Variants in AMPD2 observed in about 807,000 individuals in gnomAD.
AMPD2 encodes adenosine monophosphate deaminase 2.
AMPD2 carries 52 observed loss-of-function variants against 91.3 expected under a neutral mutation model. The observed-to-expected ratio is 0.57, with a 90% confidence interval of 0.46 to 0.72. The LOEUF is 0.72. Among genes scored for constraint, AMPD2 ranks in the 30% least tolerant of loss-of-function variants. AMPD2 has a pLI of 0.00. For synonymous variants in AMPD2, 455 were observed against 456.4 expected, an observed-to-expected ratio of 1.00 and a Z score of 0.04; for missense variants, 822 against 1,122.3, an observed-to-expected ratio of 0.73 and a Z score of 3.82.
In AMPD2 at chr1:109,628,384, C is replaced by T; in HGVS notation, c.1296C>T (p.Arg432=). 6.2e-7 allele frequency: 1 copy of T among 1,614,110 alleles called. No individual in the cohort carries two copies. The highest frequency in any genetic ancestry group is 1.6e-4 in the Middle Eastern group (1 of 6,062). The part of the protein sequence containing the change: ...DVHADRNTFH[R]FDKFNAKYNP... ...CCCAGGACAGGAACACTTTCCATCG[C>T]TTTGACAAGTTTAATGCCAAATACA... Residue 432 remains arginine, a synonymous_variant, in exon 12 of 19, where the codon CGC becomes CGT. Transcript: ENST00000528667. The surrounding 1 kb of genome is among the most constrained non-coding windows in gnomAD (Gnocchi z 7.1).
At chr1:109,627,041 A>C in intron 7 of AMPD2, 129 bp downstream of exon 7, 1 of 1,543,844 alleles carries the variant, frequency 6.5e-7, no homozygotes, top group Admixed American at 1.8e-5. Context: ...CTTGGGGTAC[A>C]GGGGTGGAGG....
At chr1:109,629,036 A>G in intron 13 of AMPD2, 73 bp from the exon 14 acceptor site, 1 of 1,584,250 alleles carries the variant, frequency 6.3e-7, no homozygotes, top group East Asian at 2.2e-5. Context: ...CCAAGCTCTG[A>G]CCCTTGCTGG....
chr1:109,629,644 C>A (rs1389956810), intron 15 of AMPD2, 152 bp from the exon 16 acceptor site: 22 of 1,433,356 alleles, frequency 1.5e-5, no homozygotes, highest in Non-Finnish European at 2.0e-5. Context: ...ATCTGTCACC[C>A]CTCACAGCCA....
intron 2 of AMPD2, chr1:109,621,512 T>A: frequency 1.6e-6 from 1 of 617,884 alleles, no homozygotes. Flanking sequence ...GGGCATGGTG[T>A]GGGTGCAGCA....
intron 2 of AMPD2, among the ~76,000 whole-genome samples, chr1:109,623,478 G>T (rs1478600390): frequency 6.6e-6 from 1 of 152,164 alleles, no homozygotes; most frequent in Non-Finnish European, 1.5e-5. Flanking sequence ...CAGCGGGGAA[G>T]CCTCAGTGAC....
chr1:109,625,290 A>G lies in AMPD2; in HGVS notation c.92-13A>G. The G allele has an allele frequency of 6.2e-7, 1 of 1,611,880 alleles. No individual in the cohort carries two copies. The highest frequency in any genetic ancestry group is 8.5e-7 in the Non-Finnish European group (1 of 1,178,962). ...CCCTCCACCCTTTGACCCTGGCATC[A>G]CTGTCTCTGCAGAGGCTCGGGGTGG... On this transcript the variant is annotated splice_polypyrimidine_tract_variant and intron_variant, in intron 2 of 18. Coordinates refer to ENST00000528667, the MANE Select transcript of AMPD2 (RefSeq NM_001368809.2). This position sits in a 1 kb window ranked among gnomAD's most constrained non-coding sequence, Gnocchi z 4.0.
At position 109,629,155 on chromosome 1, in the gene AMPD2, C is replaced by T; in HGVS notation, c.1618C>T (p.Leu540=). 6.2e-7 allele frequency: 1 copy of T among 1,614,082 alleles called. No individual in the cohort carries two copies. The highest frequency in any genetic ancestry group is 8.5e-7 in the Non-Finnish European group (1 of 1,180,014). Residue 540 remains leucine, a synonymous_variant, in exon 14 of 19, where the codon CTG becomes TTG. Coordinates refer to ENST00000528667, the MANE Select transcript of AMPD2 (RefSeq NM_001368809.2). The stretch of plus-strand genomic sequence containing the variant: ...CCAGCTGGCCAACTTCCAGGAGATG[C>T]TGGAGAACATCTTCCTGCCACTGTT... The part of the protein sequence containing the change: ...KGQLANFQEM[L]ENIFLPLFEA...
chr1:109,631,588 A>G lies in AMPD2; in HGVS notation c.*436A>G. 3.8e-6 allele frequency: 1 copy of G among 263,144 alleles called. No homozygotes were observed. Among genetic ancestry groups the G allele is most frequent in the Admixed American group, 5.1e-5 (1 of 19,714 alleles). 16.3% of individuals were successfully genotyped at this position (263,144 alleles called of 1,614,324 possible). A position where few individuals can be genotyped will look rare whatever the true frequency, so the allele number is the denominator to read the frequency against. ...GCCGAGGGGCAGGCGGGGGACCTCT[A>G]CACCTCTGCTGTGGGCACGGGGCTG... is the stretch of plus-strand genomic sequence containing the variant. On this transcript the variant is annotated 3_prime_UTR_variant, in exon 19 of 19. Transcript: ENST00000528667.
At position 109,628,822 on chromosome 1, in the gene AMPD2, G is replaced by A. The variant is rs1171266057; in HGVS notation, c.1571+16G>A. 4.5e-6 allele frequency: 7 copies of A among 1,551,652 alleles called. No individual in the cohort carries two copies. The highest frequency in any genetic ancestry group is 5.2e-6 in the Non-Finnish European group (6 of 1,146,400). On this transcript the variant is annotated intron_variant, in intron 13 of 18. Coordinates refer to ENST00000528667, the MANE Select transcript of AMPD2 (RefSeq NM_001368809.2). The surrounding 1 kb of genome is among the most constrained non-coding windows in gnomAD (Gnocchi z 7.1). Reference sequence around the variant, plus strand: ...CCCGCCTCTTGTGAGTGTCCCTGGAGTGGGAGGGGAACCTGCGGGGTCATA... The same window carrying A: ...CCCGCCTCTTGTGAGTGTCCCTGGAATGGGAGGGGAACCTGCGGGGTCATA...
chr1:109,621,535 G>A, intron 2 of AMPD2: 1 of 583,308 alleles, frequency 1.7e-6, no homozygotes, highest in Non-Finnish European at 3.1e-6. Context: ...AGGTGTGTAT[G>A]CACACGTGTC....
chr1:109,625,171 C>A lies in AMPD2; in HGVS notation c.92-132C>A. On this transcript the variant is annotated intron_variant, in intron 2 of 18. Transcript: ENST00000528667. This position sits in a 1 kb window ranked among gnomAD's most constrained non-coding sequence, Gnocchi z 4.0. ...GAGCCACACACACAGGCCTACTCCT[C>A]AGCTACTGAGGAGGGACTGCCCTCT... 3 of 1,289,278 alleles carry A rather than the reference C, an allele frequency of 2.3e-6. No individual in the cohort carries two copies. The highest frequency in any genetic ancestry group is 3.2e-6 in the Non-Finnish European group (3 of 943,782). The allele number at this position is 1,289,278 out of a possible 1,614,324, so 79.9% of individuals were successfully genotyped here.
intron 2 of AMPD2, chr1:109,622,179 T>C: frequency 4.4e-6 from 2 of 456,104 alleles, no homozygotes; most frequent in Non-Finnish European, 8.8e-6. Context: ...TTTTGTTTCA[T>C]TGAAGATGAC....
chr1:109,619,977 C>T lies in AMPD2; in HGVS notation c.-564C>T. 1 of 475,280 alleles carries T rather than the reference C, an allele frequency of 2.1e-6. No individual in the cohort carries two copies. The highest frequency in any genetic ancestry group is 2.0e-5 in the South Asian group (1 of 48,940). The allele number at this position is 475,280 out of a possible 1,614,324, so 29.4% of individuals were successfully genotyped here. On this transcript the variant is annotated 5_prime_UTR_variant, in exon 1 of 19. Coordinates refer to ENST00000528667, the MANE Select transcript of AMPD2 (RefSeq NM_001368809.2). Reference sequence around the variant, plus strand: ...AGAGAAATCTGGACGAGTTTCGGGTCCCGCTCCCTTGGGAGCACGTGGCCT... The same window carrying T: ...AGAGAAATCTGGACGAGTTTCGGGTTCCGCTCCCTTGGGAGCACGTGGCCT...
Position 109,622,386 on chromosome 1 carries a change from C to T in AMPD2, c.91+1120C>T, listed in dbSNP as rs902708616. 6.1e-5 allele frequency: 27 copies of T among 439,584 alleles called. No homozygotes were observed. The East Asian group carries it at 7.0e-4, about 11-fold the overall frequency. The allele number at this position is 439,584 out of a possible 1,614,324, so 27.2% of individuals were successfully genotyped here. ...CATCTGATACTTGTGGGGTCAAAGCCGTGGACACCCCTGTGCCTACTGAGG... is the reference window on the plus strand; with the variant it reads ...CATCTGATACTTGTGGGGTCAAAGCTGTGGACACCCCTGTGCCTACTGAGG... On this transcript the variant is annotated intron_variant, in intron 2 of 18. Coordinates refer to ENST00000528667, the MANE Select transcript of AMPD2 (RefSeq NM_001368809.2).
Position 109,628,174 on chromosome 1 carries a change from T to A in AMPD2, c.1172T>A (p.Ile391Asn). ...GCAATGAAGCGGCACCTGGAGGAGA[T>A]CGTGCACGTGGAGCAGGGCCGTGAA... ...KRAMKRHLEE[I>N]VHVEQGREQT... The change falls in exon 11 of 19, where the codon ATC becomes AAC. Residue 391 changes from isoleucine (I) to asparagine (N), a missense_variant. Around this residue, in one of 5 missense-constraint regions of AMPD2, gnomAD observed 430 missense variants for 606.0 expected, o/e 0.71. Coordinates refer to ENST00000528667, the MANE Select transcript of AMPD2 (RefSeq NM_001368809.2). The surrounding 1 kb of genome is among the most constrained non-coding windows in gnomAD (Gnocchi z 7.1). The A allele has an allele frequency of 6.2e-7, 1 of 1,613,928 alleles. No individual in the cohort carries two copies. The highest frequency in any genetic ancestry group is 1.1e-5 in the South Asian group (1 of 91,080).
chr1:109,621,147 C>G lies in AMPD2; in HGVS notation c.-29C>G, dbSNP rs1422522142. On this transcript the variant is annotated 5_prime_UTR_variant, in exon 2 of 19. Coordinates refer to ENST00000528667, the MANE Select transcript of AMPD2 (RefSeq NM_001368809.2). ...GGCCCCAGCCGGTGCCGCTCAGACT[C>G]CCCCGCTGTCGCCGCCGTGGTCCCA... 7.5e-6 allele frequency: 12 copies of G among 1,596,612 alleles called. No individual in the cohort carries two copies. The highest frequency in any genetic ancestry group is 1.0e-5 in the Non-Finnish European group (12 of 1,171,000).
At position 109,629,055 on chromosome 1, in the gene AMPD2, G is replaced by A. The variant is rs561994249; in HGVS notation, c.1572-54G>A. ...GCTCTGACCCTTGCTGGACCGCTGG[G>A]TTTCCTCCCACTGGCCCTGACTTGC... On this transcript the variant is annotated intron_variant, in intron 13 of 18. Transcript: ENST00000528667. The A allele has an allele frequency of 3.7e-6, 6 of 1,600,424 alleles. No homozygotes were observed. In the African/African-American group the frequency reaches 6.7e-5, roughly 18 times the overall value.
chr1:109,626,982 C>A (rs1650745611), intron 7 of AMPD2, 70 bp downstream of exon 7: 2 of 1,560,402 alleles, frequency 1.3e-6, no homozygotes, highest in South Asian at 2.4e-5. Flanking sequence ...GGTGCCTGGG[C>A]ACCTCTGCCC....
In AMPD2 at chr1:109,626,369, G is replaced by C; in HGVS notation, c.473G>C (p.Arg158Pro). 6.2e-7 allele frequency: 1 copy of C among 1,612,492 alleles called. No homozygotes were observed. The highest frequency in any genetic ancestry group is 1.3e-5 in the African/African-American group (1 of 74,946). ...CAGGGTGACCGGAGCCTGCGGGAGC[G>C]TGATGTGCTGGAACGGGAGTTTCAG... ...EGQGDRSLRERDVLEREFQRV... is the reference protein window; with the variant it reads ...EGQGDRSLREPDVLEREFQRV... The change falls in exon 6 of 19, where the codon CGT becomes CCT. Residue 158 changes from arginine (R) to proline (P), a missense_variant. Transcript: ENST00000528667.
Sources: gnomAD v4.1 joint callset for allele counts (sites outside exome capture counted in the v4.1 genomes callset) on GRCh38, gnomAD v4.1.1 for gene constraint, gnomAD v4.1.1 regional missense constraint, Gnocchi (gnomAD v3.1) non-coding constraint, MANE v1.5 for transcripts, NCBI Gene and HGNC (gene_info 2026-07-23, HGNC 2026-07-21) for gene names.